The following IL1RAPL1 variants were observed in gnomAD, a reference collection of about 807,000 sequenced individuals.
The protein encoded by IL1RAPL1 is interleukin-1 receptor accessory protein-like 1.
In IL1RAPL1, 3 loss-of-function variants were observed where a neutral mutation model predicts 48.4. The ratio of observed to expected loss-of-function variants is 0.06; its 90% confidence interval spans 0.03 to 0.16. The LOEUF (loss-of-function observed/expected upper bound fraction) is 0.16. Ranked by LOEUF, IL1RAPL1 falls within the 10% of genes least tolerant of loss-of-function variation. The probability of loss-of-function intolerance (pLI) is 1.00; values close to 1 mark genes in which losing one functional copy is unlikely to be tolerated. For missense variants in IL1RAPL1, 349 were observed against 530.6 expected, an observed-to-expected ratio of 0.66 and a Z score of 3.36; for synonymous variants, 185 against 187.7, an observed-to-expected ratio of 0.99 and a Z score of 0.12.
At chrX:29,441,424 C>T (rs758552712) in intron 5 of IL1RAPL1, among the ~76,000 whole-genome samples, 6 of 112,215 alleles carry the variant, frequency 5.3e-5, no homozygotes, top group Non-Finnish European at 1.1e-4. Flanking sequence ...TGTCATTTTA[C>T]TGTTCCACAT....
Position 29,719,100 on chromosome X carries a change from T to G in IL1RAPL1, c.778+50596T>G, listed in dbSNP as rs1468560639. On this transcript the variant is annotated intron_variant, in intron 6 of 10. Transcript: ENST00000378993. Reference sequence around the variant, plus strand: ...TTTTCCGGTTAATAATCATTGCTTGTTGATACGTGCTTTTGACTAGGTATT... The same window carrying G: ...TTTTCCGGTTAATAATCATTGCTTGGTGATACGTGCTTTTGACTAGGTATT... Among the ~76,000 whole-genome samples the G allele has an allele frequency of 4.5e-5, 5 of 111,952 alleles. No individual in the cohort carries two copies. The East Asian group carries it at 1.4e-3, about 31-fold the overall frequency.
At chrX:28,921,937 T>C (rs1007530939) in intron 2 of IL1RAPL1, among the ~76,000 whole-genome samples, 1 of 111,524 alleles carries the variant, frequency 9.0e-6, no homozygotes, top group African/African-American at 3.3e-5. Flanking sequence ...GAACAGGCCT[T>C]GTACTTTTGA....
rs930660121 is a variant in IL1RAPL1 at position 29,453,410 on chromosome X, A to G, written c.703+54102A>G. On this transcript the variant is annotated intron_variant, in intron 5 of 10. Coordinates refer to ENST00000378993, the MANE Select transcript of IL1RAPL1 (RefSeq NM_014271.4). ...CAGGAAGTCATTAATGAGGAAAACG[A>G]TTCCAAGACACATACATAATCGGAT... Among the ~76,000 whole-genome samples, 5 of 111,776 alleles carry G rather than the reference A, an allele frequency of 4.5e-5. No individual in the cohort carries two copies. In the Admixed American group the frequency reaches 4.8e-4, roughly 11 times the overall value.
chrX:29,264,823 C>T (rs1296224207), intron 2 of IL1RAPL1, among the ~76,000 whole-genome samples: 1 of 111,259 alleles, frequency 9.0e-6, no homozygotes, highest in African/African-American at 3.3e-5. Flanking sequence ...CTTAGCCATC[C>T]TAGAGTACAA....
chrX:29,406,216 T>C (rs992865809), intron 5 of IL1RAPL1, among the ~76,000 whole-genome samples: 24 of 111,019 alleles, frequency 2.2e-4, no homozygotes, highest in South Asian at 1.5e-3. Context: ...GGTGGAACCC[T>C]GTCTCTACTA....
intron 3 of IL1RAPL1, among the ~76,000 whole-genome samples, chrX:29,352,022 T>C (rs1478012477): frequency 8.9e-6 from 1 of 112,303 alleles, no homozygotes; most frequent in East Asian, 2.8e-4. Context: ...TATTATTTAT[T>C]ATATTTTTCA....
At chrX:28,780,207 T>A (rs1049257592) in intron 1 of IL1RAPL1, among the ~76,000 whole-genome samples, 2 of 111,080 alleles carry the variant, frequency 1.8e-5, no homozygotes, top group African/African-American at 6.5e-5. Flanking sequence ...AAAGGATAGC[T>A]AATAATCTCT....
intron 5 of IL1RAPL1, among the ~76,000 whole-genome samples, chrX:29,624,278 A>C (rs1033982730): frequency 6.3e-5 from 7 of 111,841 alleles, no homozygotes; most frequent in Admixed American, 1.9e-4. Context: ...TTCATTGCTT[A>C]TGTGTTCCAA....
chrX:29,766,706 T>TATAATATATA (rs1928924130), intron 6 of IL1RAPL1, among the ~76,000 whole-genome samples: 1 of 99,751 alleles, frequency 1.0e-5, no homozygotes, highest in African/African-American at 3.7e-5. Flanking sequence ...ATATATAATA[T>TATAATATATA]ATAATATATG....
chrX:29,665,577 A>G (rs1925976866), intron 5 of IL1RAPL1, among the ~76,000 whole-genome samples: 1 of 112,070 alleles, frequency 8.9e-6, no homozygotes, highest in African/African-American at 3.2e-5. Context: ...TTCCTTTGTG[A>G]CTTTGTGACA....
chrX:29,710,377 G>C (rs1227515358), intron 6 of IL1RAPL1, among the ~76,000 whole-genome samples: 2 of 107,804 alleles, frequency 1.9e-5, no homozygotes, highest in African/African-American at 6.7e-5. Flanking sequence ...ACCATGAAAG[G>C]ATGTTGAATT....
rs750854407 is a variant in IL1RAPL1, at chrX:29,251,199, G to A, written c.83-31739G>A. ...ATTTACATTAATTTCTTCTATAATA[G>A]TACGTCAGTGTATATAATTTGTCTA... On this transcript the variant is annotated intron_variant, in intron 2 of 10. Transcript: ENST00000378993. Among the ~76,000 whole-genome samples, 3 of 113,992 alleles carry A rather than the reference G, an allele frequency of 2.6e-5. No homozygotes were observed. The East Asian group carries it at 8.1e-4, about 31-fold the overall frequency.
At chrX:29,733,986 G>T (rs1425262246) in intron 6 of IL1RAPL1, among the ~76,000 whole-genome samples, 1 of 112,708 alleles carries the variant, frequency 8.9e-6, no homozygotes, top group Non-Finnish European at 1.9e-5. Context: ...GTGAGCACAG[G>T]TATGCTCAAA....
intron 6 of IL1RAPL1, among the ~76,000 whole-genome samples, chrX:29,884,499 C>G (rs774864893): frequency 8.1e-5 from 9 of 111,070 alleles, no homozygotes; most frequent in Middle Eastern, 4.6e-3. Flanking sequence ...CCTCTTCCCC[C>G]TAGTCTCCTA....
chrX:29,757,808 AT>A (rs1386145552), intron 6 of IL1RAPL1, among the ~76,000 whole-genome samples: 53 of 112,130 alleles, frequency 4.7e-4, no homozygotes, highest in African/African-American at 1.7e-3. Flanking sequence ...TTTGACACCA[AT>A]ATATGTGGGA....
intron 5 of IL1RAPL1, among the ~76,000 whole-genome samples, chrX:29,440,233 C>G (rs1175855610): frequency 1.8e-5 from 2 of 110,156 alleles, no homozygotes; most frequent in Admixed American, 1.9e-4. Context: ...AAAAAGAACC[C>G]TGGGGACAGA....
chrX:29,553,642 A>G (rs1348599298), intron 5 of IL1RAPL1, among the ~76,000 whole-genome samples: 2 of 111,514 alleles, frequency 1.8e-5, no homozygotes, highest in Non-Finnish European at 3.8e-5. Flanking sequence ...AGGCTCTGAT[A>G]AAGCTTTTTC....
intron 1 of IL1RAPL1, among the ~76,000 whole-genome samples, chrX:28,688,197 CA>C (rs1935135303): frequency 2.0e-5 from 1 of 50,638 alleles, no homozygotes; most frequent in South Asian, 7.5e-4. Flanking sequence ...TAATATATCA[CA>C]TTTTTTTTTT....
In IL1RAPL1 at chrX:29,442,140, C is replaced by CTAT. The variant is rs1161225211; in HGVS notation, c.703+42832_703+42833insTAT. On this transcript the variant is annotated intron_variant, in intron 5 of 10. Transcript: ENST00000378993. The stretch of plus-strand genomic sequence containing the variant: ...AAAAAGAACAAATCTGGAGGCATCA[C>CTAT]ACTGCCTGATTTCAAACTATACTAT... Among the ~76,000 whole-genome samples the CTAT allele has an allele frequency of 1.3e-4, 14 of 111,936 alleles. No individual in the cohort carries two copies. The East Asian group carries it at 3.9e-3, about 31-fold the overall frequency.
Sources: gnomAD v4.1 joint callset for allele counts (sites outside exome capture counted in the v4.1 genomes callset) on GRCh38, gnomAD v4.1.1 for gene constraint, MANE v1.5 for transcripts, NCBI Gene and HGNC (gene_info 2026-07-23, HGNC 2026-07-21) for gene names.